Variants in MAGI2 observed in about 807,000 individuals in gnomAD.
MAGI2 encodes the protein membrane-associated guanylate kinase, WW and PDZ domain-containing protein 2.
A neutral mutation model predicts 133.3 loss-of-function variants in MAGI2; 35 were observed. That is an observed-to-expected ratio of 0.26 (90% CI 0.20 to 0.35). The LOEUF (loss-of-function observed/expected upper bound fraction) is 0.35, where lower values mean the gene tolerates loss of function less well. MAGI2 is among the 10% of genes least tolerant of loss of function. The pLI is 1.00. For missense variants in MAGI2, 1,636 were observed against 1,863.4 expected, an observed-to-expected ratio of 0.88 and a Z score of 2.25; for synonymous variants, 729 against 710.6, an observed-to-expected ratio of 1.03 and a Z score of -0.41.
intron 3 of MAGI2, among the ~76,000 whole-genome samples, chr7:78,557,906 C>T (rs1454826603): frequency 6.6e-6 from 1 of 151,974 alleles, no homozygotes; most frequent in African/African-American, 2.4e-5. Flanking sequence ...AATGTCATCT[C>T]TATAAAGTCA....
chr7:78,761,137 G>A (rs751438271), intron 2 of MAGI2, among the ~76,000 whole-genome samples: 8 of 152,218 alleles, frequency 5.3e-5, no homozygotes, highest in Non-Finnish European at 1.2e-4. Flanking sequence ...CTCAATTCTG[G>A]TCTATCCTGT....
chr7:78,346,709 G>A (rs1320964189), intron 7 of MAGI2, among the ~76,000 whole-genome samples: 1 of 152,168 alleles, frequency 6.6e-6, no homozygotes, highest in Non-Finnish European at 1.5e-5. Flanking sequence ...TATAGTCCAA[G>A]CAAACTGTGA....
At chr7:78,674,847 A>T (rs1333424683) in intron 2 of MAGI2, among the ~76,000 whole-genome samples, 2 of 152,170 alleles carry the variant, frequency 1.3e-5, no homozygotes, top group Non-Finnish European at 2.9e-5. Context: ...TGGCATGACT[A>T]TATAAAGTTT....
chr7:78,277,630 G>C (rs1473498966), intron 9 of MAGI2, among the ~76,000 whole-genome samples: 1 of 152,178 alleles, frequency 6.6e-6, no homozygotes, highest in Non-Finnish European at 1.5e-5. Flanking sequence ...AGAGTCATTA[G>C]TGTAGGGTGC....
chr7:78,896,236 TATATAA>T (rs1190366947), intron 2 of MAGI2, among the ~76,000 whole-genome samples: 2 of 152,118 alleles, frequency 1.3e-5, no homozygotes, highest in African/African-American at 4.8e-5. Flanking sequence ...TTTCACTTTC[TATATAA>T]ATATATTTCT....
chr7:79,296,487 A>G (rs1256332794), intron 1 of MAGI2, among the ~76,000 whole-genome samples: 2 of 152,224 alleles, frequency 1.3e-5, no homozygotes, highest in Non-Finnish European at 2.9e-5. Flanking sequence ...TATACACAAT[A>G]TAACACTCCT....
chr7:79,107,212 C>T (rs1218277038), intron 1 of MAGI2, among the ~76,000 whole-genome samples: 1 of 152,072 alleles, frequency 6.6e-6, no homozygotes, highest in East Asian at 1.9e-4. Flanking sequence ...AGGTAGAAGT[C>T]AAAGAGATAG....
intron 6 of MAGI2, among the ~76,000 whole-genome samples, chr7:78,443,792 T>G (rs979430949): frequency 2.0e-5 from 3 of 152,128 alleles, no homozygotes; most frequent in Non-Finnish European, 4.4e-5. Flanking sequence ...TTAGTGTGAA[T>G]TGACTCTGGA....
chr7:78,236,999 G>A (rs1790615814), intron 10 of MAGI2, among the ~76,000 whole-genome samples: 1 of 152,006 alleles, frequency 6.6e-6, no homozygotes, highest in Non-Finnish European at 1.5e-5. Context: ...GAACAGCATG[G>A]GGGAAACCAC....
intron 10 of MAGI2, among the ~76,000 whole-genome samples, chr7:78,236,206 C>T (rs1790523664): frequency 6.6e-6 from 1 of 151,988 alleles, no homozygotes; most frequent in Non-Finnish European, 1.5e-5. Flanking sequence ...ATAACAGCAC[C>T]TGGCACATTT....
intron 2 of MAGI2, among the ~76,000 whole-genome samples, chr7:78,986,271 A>G (rs1805257284): frequency 6.6e-6 from 1 of 152,102 alleles, no homozygotes; most frequent in Non-Finnish European, 1.5e-5. Flanking sequence ...GAAAGGCTAA[A>G]TTGTTTTTGT....
chr7:79,039,874 A>G (rs962903460), intron 1 of MAGI2, among the ~76,000 whole-genome samples: 1 of 143,730 alleles, frequency 7.0e-6, no homozygotes, highest in Non-Finnish European at 1.5e-5. Flanking sequence ...TATAATATAT[A>G]TGTATATATA....
chr7:78,883,214 A>G (rs1399417293), intron 2 of MAGI2, among the ~76,000 whole-genome samples: 1 of 152,118 alleles, frequency 6.6e-6, no homozygotes, highest in African/African-American at 2.4e-5. Context: ...ATAACACCCA[A>G]GCTGAGAGAC....
intron 13 of MAGI2, chr7:78,185,372 TTTTTAATCCAGCCTTTTACTAGAGTA>T (rs1827585683): frequency 3.1e-6 from 1 of 322,316 alleles, no homozygotes; most frequent in African/African-American, 2.1e-5. Context: ...TTGGCAGCTG[TTTTTAATCCAGCCTTTTACTAGAGTA>T]TTTTATGAAA....
At chr7:78,617,245 C>T (rs572426493) in intron 3 of MAGI2, 7 of 152,062 alleles carry the variant, frequency 4.6e-5, no homozygotes, top group African/African-American at 1.2e-4. Context: ...AGAAAGCAGG[C>T]CAGTATAGCT....
intron 2 of MAGI2, among the ~76,000 whole-genome samples, chr7:78,706,719 G>A (rs1818685872): frequency 6.6e-6 from 1 of 152,060 alleles, no homozygotes; most frequent in African/African-American, 2.4e-5. Flanking sequence ...GTCTAAGAGG[G>A]AAATGTGGAG....
At chr7:78,946,806 T>TA (rs1052977516) in intron 2 of MAGI2, 23 of 152,268 alleles carry the variant, frequency 1.5e-4, no homozygotes, top group African/African-American at 5.5e-4. Flanking sequence ...GGTCTTCAGT[T>TA]AAAAAATATA....
At chr7:78,427,995 GCCACAAT>G (rs1267374336) in intron 6 of MAGI2, among the ~76,000 whole-genome samples, 2 of 152,112 alleles carry the variant, frequency 1.3e-5, no homozygotes, top group African/African-American at 4.8e-5. Context: ...TGAACTTCCA[GCCACAAT>G]CCAAACGCAT....
At chr7:79,391,633 T>C (rs892436007) in intron 1 of MAGI2, among the ~76,000 whole-genome samples, 1 of 150,428 alleles carries the variant, frequency 6.6e-6, no homozygotes, top group Non-Finnish European at 1.5e-5. Context: ...ATACGTGTGC[T>C]ATAGTGGTTT....
Sources: allele counts gnomAD v4.1 joint callset (sites outside exome capture counted in the v4.1 genomes callset), GRCh38; gene constraint gnomAD v4.1.1; transcripts MANE v1.5; gene names NCBI Gene and HGNC (gene_info 2026-07-23, HGNC 2026-07-21).